CREBBP: variants seen among roughly 807,000 people sequenced by gnomAD.
CREBBP encodes the protein CREB binding lysine acetyltransferase.
A neutral mutation model predicts 265.0 loss-of-function variants in CREBBP; 19 were observed. The ratio of observed to expected loss-of-function variants is 0.07; its 90% confidence interval spans 0.05 to 0.11. The LOEUF is 0.11. Ranked by LOEUF, CREBBP falls within the 10% of genes least tolerant of loss-of-function variation. The pLI is 1.00. For synonymous variants in CREBBP, 1,457 were observed against 1,223.7 expected (o/e 1.19, Z -3.98); for missense variants, 2,525 against 3,219.0 (o/e 0.78, Z 5.22).
At position 3,877,278 on chromosome 16, in the gene CREBBP, T is replaced by G. The variant is rs79099422; in HGVS notation, c.85+2554A>C. Among the ~76,000 whole-genome samples, 1,074 of 152,346 alleles carry G rather than the reference T, an allele frequency of 7.0e-3. 13 individuals carry two copies. Among genetic ancestry groups the G allele is most frequent in the Middle Eastern group, 0.017 (5 of 294 alleles). ...CTCAGGTCTGTCCCACCTAACCAAA[T>G]GCCTTCAGTTTTTGAATGTATTTAA... On this transcript the variant is annotated intron_variant, in intron 1 of 30. Transcript: ENST00000262367.
intron 30 of CREBBP, chr16:3,730,596 A>AGAAGTGTGT: frequency 6.2e-6 from 1 of 160,048 alleles, no homozygotes; most frequent in South Asian, 1.8e-4. Flanking sequence ...GGAAAGCGGA[A>AGAAGTGTGT]GAAGTGTGTG....
chr16:3,773,679 G>GAA (rs753758359), intron 13 of CREBBP, 72 bp downstream of exon 13: 113 of 1,309,174 alleles, frequency 8.6e-5, no homozygotes, highest in African/African-American at 1.2e-4. Context: ...AAGGAAGACA[G>GAA]AAAAAAAAAA....
intron 2 of CREBBP, among the ~76,000 whole-genome samples, chr16:3,833,723 TTACTGTAAAGCTAAAG>T (rs1487841494): frequency 1.3e-5 from 2 of 152,172 alleles, no homozygotes; most frequent in African/African-American, 4.8e-5. Context: ...ACTTTAATAC[TTACTGTAAAGCTAAAG>T]TACAACTATG....
At chr16:3,735,798 T>C (rs1040932850) in intron 28 of CREBBP, among the ~76,000 whole-genome samples, 3 of 152,148 alleles carry the variant, frequency 2.0e-5, no homozygotes, top group Admixed American at 2.0e-4. Flanking sequence ...TCTGTCTTCC[T>C]CTCTTCCCTC....
chr16:3,791,670 C>T lies in CREBBP; in HGVS notation c.1330+311G>A, dbSNP rs130032. 0.022 allele frequency among the ~76,000 whole-genome samples: 3,416 copies of T among 152,264 alleles called. 155 individuals carry two copies. Among genetic ancestry groups the T allele is most frequent in the East Asian group, 0.19 (990 of 5,176 alleles). On this transcript the variant is annotated intron_variant, in intron 5 of 30. Transcript: ENST00000262367. ...CGTATGGAGTAACTGTCAGGAAATA[C>T]CATGTCTTCGTGTTGGCTCAGTGAA...
Position 3,778,096 on chromosome 16 carries a change from T to C in CREBBP, c.2028A>G (p.Gln676=), listed in dbSNP as rs886042429. ...EEKRRSRLHK[Q]GILGNQPALP... is the part of the protein sequence containing the mutation. ...AGGCTGGCTGGTTCCCCAAGATGCC[T>C]TGTTTATGTAAACGCGACCTCCGTT... Residue 676 remains glutamine, a synonymous_variant, in exon 10 of 31, where the codon CAA becomes CAG. Transcript: ENST00000262367. 6.8e-6 allele frequency: 11 copies of C among 1,614,078 alleles called. No homozygotes were observed. The highest frequency in any genetic ancestry group is 9.3e-6 in the Non-Finnish European group (11 of 1,180,006).
intron 2 of CREBBP, among the ~76,000 whole-genome samples, chr16:3,833,242 G>A (rs926810447): frequency 3.3e-5 from 5 of 152,150 alleles, no homozygotes; most frequent in Non-Finnish European, 5.9e-5. Flanking sequence ...GTGAAACCCC[G>A]TATCTACTAA....
chr16:3,753,838 TAGA>T (rs2052529051), intron 19 of CREBBP, among the ~76,000 whole-genome samples: 1 of 152,156 alleles, frequency 6.6e-6, no homozygotes. Context: ...TATGGCCAAC[TAGA>T]AGGGACCGTT....
At position 3,850,557 on chromosome 16, in the gene CREBBP, T is replaced by C. The variant is rs2141492369; in HGVS notation, c.538A>G (p.Asn180Asp). The part of the protein sequence containing the change: ...QTGPGICMNA[N>D]FNQTHPGLLN... Reference sequence around the variant, plus strand: ...AGGCCTGGGTGGGTCTGGTTAAAGTTAGCATTCATGCAGATACCAGGTCCA... The same window carrying C: ...AGGCCTGGGTGGGTCTGGTTAAAGTCAGCATTCATGCAGATACCAGGTCCA... Residue 180 changes from asparagine to aspartate, a missense_variant, in exon 2 of 31, where the codon AAC becomes GAC. Asn to Asp is a conservative substitution (Grantham distance 23, BLOSUM62 1). Around this residue, in one of 19 missense-constraint regions of CREBBP, gnomAD observed 356 missense variants for 340.4 expected, o/e 1.05. Transcript: ENST00000262367. The C allele has an allele frequency of 1.9e-6, 3 of 1,614,240 alleles. No homozygotes were observed. The highest frequency in any genetic ancestry group is 1.7e-6 in the Non-Finnish European group (2 of 1,180,040).
intron 27 of CREBBP, chr16:3,736,439 G>A: frequency 2.5e-6 from 2 of 787,478 alleles, no homozygotes; most frequent in South Asian, 1.6e-5. Flanking sequence ...GATGGAAACA[G>A]CTCCAACTGT....
In CREBBP at chr16:3,778,004, T is replaced by C. The variant is rs755991014; in HGVS notation, c.2113+7A>G. ...TAAGGGATGGCAGTAGGAAATAAAA[T>C]CCTTACTTGGAGGTCTCACAGGTTG... On this transcript the variant is annotated splice_region_variant and intron_variant, in intron 10 of 30. Coordinates refer to ENST00000262367, the MANE Select transcript of CREBBP (RefSeq NM_004380.3). The C allele has an allele frequency of 1.2e-6, 2 of 1,614,094 alleles. No individual in the cohort carries two copies. Among genetic ancestry groups the C allele is most frequent in the Admixed American group, 3.3e-5 (2 of 60,024 alleles).
chr16:3,797,746 C>G (rs537087338), intron 3 of CREBBP, among the ~76,000 whole-genome samples: 1 of 151,634 alleles, frequency 6.6e-6, no homozygotes, highest in South Asian at 2.1e-4. Context: ...AGTGGTGAGG[C>G]ATCTTTGATC....
intron 2 of CREBBP, among the ~76,000 whole-genome samples, chr16:3,823,374 C>T (rs967341858): frequency 6.6e-6 from 1 of 152,148 alleles, no homozygotes; most frequent in African/African-American, 2.4e-5. Flanking sequence ...CAGAGATTGC[C>T]GCTGAGTGGT....
At chr16:3,801,784 C>T (rs2053718947) in intron 3 of CREBBP, among the ~76,000 whole-genome samples, 1 of 152,166 alleles carries the variant, frequency 6.6e-6, no homozygotes, top group African/African-American at 2.4e-5. Context: ...TGTCAGAAGC[C>T]TTAAAATATA....
chr16:3,797,597 G>GTCTCTC (rs752609484), intron 3 of CREBBP, among the ~76,000 whole-genome samples: 1 of 149,692 alleles, frequency 6.7e-6, no homozygotes, highest in Admixed American at 6.7e-5. Context: ...CATGAATGTG[G>GTCTCTC]TCTCTCTCTC....
At chr16:3,753,635 G>A in intron 19 of CREBBP, among the ~76,000 whole-genome samples, 1 of 151,856 alleles carries the variant, frequency 6.6e-6, no homozygotes. Context: ...CCGGTATGAA[G>A]AAGAACTTCC....
At position 3,845,886 on chromosome 16, in the gene CREBBP, C is replaced by CA. The variant is rs58655991; in HGVS notation, c.798+4410dup. 1.0e-3 allele frequency among the ~76,000 whole-genome samples: 74 copies of CA among 73,506 alleles called. 1 individual carries two copies. Among genetic ancestry groups the CA allele is most frequent in the African/African-American group, 3.5e-3 (71 of 20,080 alleles). The allele number at this position is 73,506 out of a possible 152,430, so 48.2% of individuals were successfully genotyped here. ...TGGGCAACAAACTGAGACCCTATCTCAAAAAAAAAAAAAAAAAAAAAAGTC... is the reference window on the plus strand; with the variant it reads ...TGGGCAACAAACTGAGACCCTATCTCAAAAAAAAAAAAAAAAAAAAAAAGTC... On this transcript the variant is annotated intron_variant, in intron 2 of 30. Coordinates refer to ENST00000262367, the MANE Select transcript of CREBBP (RefSeq NM_004380.3).
At position 3,729,671 on chromosome 16, in the gene CREBBP, C is replaced by T. The variant is rs2151311293; in HGVS notation, c.5376G>A (p.Leu1792=). Residue 1792 remains leucine (L), a synonymous_variant, in exon 31 of 31, where the codon CTG becomes CTA. Coordinates refer to ENST00000262367, the MANE Select transcript of CREBBP (RefSeq NM_004380.3). ...CCCGCTTCATCTTCTGGCAGGATGG[C>T]AGCGAGCAGTTGGCGTTGCGGCACT... ...ACQCRNANCS[L]PSCQKMKRVV... The T allele has an allele frequency of 6.2e-7, 1 of 1,613,602 alleles. No homozygotes were observed. Among genetic ancestry groups the T allele is most frequent in the Non-Finnish European group, 8.5e-7 (1 of 1,179,982 alleles).
intron 16 of CREBBP, among the ~76,000 whole-genome samples, chr16:3,759,764 A>C (rs2052670071): frequency 6.6e-6 from 1 of 152,114 alleles, no homozygotes; most frequent in Non-Finnish European, 1.5e-5. Flanking sequence ...CATATTGCTT[A>C]CTCCCACATT....
Sources: allele counts gnomAD v4.1 joint callset (sites outside exome capture counted in the v4.1 genomes callset), GRCh38; gene constraint gnomAD v4.1.1; regional missense constraint gnomAD v4.1.1; transcripts MANE v1.5; gene names NCBI Gene and HGNC (gene_info 2026-07-23, HGNC 2026-07-21).